Variants in CORO7 observed in about 807,000 individuals in gnomAD.
The protein encoded by CORO7 is coronin-7.
A neutral mutation model predicts 126.6 loss-of-function variants in CORO7; 107 were observed. The ratio of observed to expected loss-of-function variants is 0.85; its 90% CI spans 0.72 to 0.99. CORO7 has a LOEUF of 0.99. CORO7 is among the 50% of genes least tolerant of loss of function. The pLI, the probability that CORO7 is intolerant of heterozygous loss-of-function variation, is 0.00. For synonymous variants in CORO7, 603 were observed against 536.8 expected, an observed-to-expected ratio of 1.12 and a Z score of -1.70; for missense variants, 1,314 against 1,255.8, an observed-to-expected ratio of 1.05 and a Z score of -0.70.
intron 6 of CORO7, among the ~76,000 whole-genome samples, chr16:4,403,152 G>A (rs1431338071): frequency 2.0e-5 from 3 of 151,942 alleles, no homozygotes; most frequent in Non-Finnish European, 2.9e-5. Context: ...AGGGGCTCAC[G>A]CTCGCTCCTG....
At chr16:4,416,162 T>C (rs1317593367) in intron 1 of CORO7, among the ~76,000 whole-genome samples, 2 of 151,948 alleles carry the variant, frequency 1.3e-5, no homozygotes, top group East Asian at 1.9e-4. Flanking sequence ...CTCGCAGGCC[T>C]GGGCCCCGGC....
rs781442940 is a variant in CORO7, at chr16:4,388,643, A to G, written c.616-12T>C. The G allele has an allele frequency of 6.2e-7, 1 of 1,608,048 alleles. No homozygotes were observed. Among genetic ancestry groups the G allele is most frequent in the Non-Finnish European group, 8.5e-7 (1 of 1,178,222 alleles). On this transcript the variant is annotated splice_polypyrimidine_tract_variant and intron_variant, in intron 7 of 27. Coordinates refer to ENST00000251166, the MANE Select transcript of CORO7 (RefSeq NM_024535.5). ...TGGGCCTGCGTGCTCTGCAGGAGGC[A>G]AGAGGTGGACCTGAGCCCCCAGGGC...
At chr16:4,400,690 C>T (rs1298198153) in intron 6 of CORO7, among the ~76,000 whole-genome samples, 9 of 151,630 alleles carry the variant, frequency 5.9e-5, no homozygotes, top group African/African-American at 9.7e-5. Flanking sequence ...TGTGGTGGCA[C>T]GTGCCTGTAG....
At position 4,362,244 on chromosome 16, in the gene CORO7, C is replaced by G; in HGVS notation, c.1403-84G>C. 6.7e-7 allele frequency: 1 copy of G among 1,503,416 alleles called. No individual in the cohort carries two copies. Among genetic ancestry groups the G allele is most frequent in the Admixed American group, 2.3e-5 (1 of 44,290 alleles). The allele number at this position is 1,503,416 out of a possible 1,614,324, so 93.1% of individuals were successfully genotyped here. A position where few individuals can be genotyped will look rare whatever the true frequency, so the allele number is the denominator to read the frequency against. On this transcript the variant is annotated intron_variant, in intron 15 of 27. Transcript: ENST00000251166. This position sits in a 1 kb window ranked among gnomAD's most constrained non-coding sequence, Gnocchi z 5.3. Reference sequence around the variant, plus strand: ...ACTCTTTGAGTCCCGGCTGCCCACTCCCCTCACCCCAGGTGGATGTACAGC... The same window carrying G: ...ACTCTTTGAGTCCCGGCTGCCCACTGCCCTCACCCCAGGTGGATGTACAGC...
At chr16:4,383,768 G>C (rs1028115605) in intron 9 of CORO7, among the ~76,000 whole-genome samples, 1 of 152,244 alleles carries the variant, frequency 6.6e-6, no homozygotes, top group African/African-American at 2.4e-5. Context: ...CCCAGGCCCT[G>C]TCTTCTGCCA....
chr16:4,362,607 C>T lies in CORO7; in HGVS notation c.1402+5G>A. 6.4e-7 allele frequency: 1 copy of T among 1,554,670 alleles called. No individual in the cohort carries two copies. The highest frequency in any genetic ancestry group is 8.7e-7 in the Non-Finnish European group (1 of 1,153,668). ...AGGGGTGAGCTCCCCGTCCTGCCTC[C>T]TTACCCAGCAGGCTCTGCAGCGACC... On this transcript the variant is annotated splice_donor_5th_base_variant and intron_variant, in intron 15 of 27. Transcript: ENST00000251166. The surrounding 1 kb of genome is among the most constrained non-coding windows in gnomAD (Gnocchi z 5.3).
In CORO7 at chr16:4,407,662, C is replaced by G. The variant is rs1384058508; in HGVS notation, c.326G>C (p.Gly109Ala). 6.3e-7 allele frequency: 1 copy of G among 1,596,934 alleles called. No homozygotes were observed. Among genetic ancestry groups the G allele is most frequent in the East Asian group, 2.2e-5 (1 of 44,676 alleles). Residue 109 changes from glycine (G) to alanine (A), a missense_variant, in exon 5 of 28, where the codon GGG becomes GCG. Transcript: ENST00000251166. ...TGCTGAGGGCAGGGCCTGGCCAGGC[C>G]CTGGCAGTCGCCAGAGTTTTACCTG... ...DRTVKLWRLP[G>A]PGQALPSAPG...
At position 4,408,225 on chromosome 16, in the gene CORO7, G is replaced by GCGAGAAGTCCA. The variant is rs779823537; in HGVS notation, c.248_258dup (p.Pro87TrpfsTer20). The GCGAGAAGTCCA allele has an allele frequency of 1.2e-6, 2 of 1,614,212 alleles. No individual in the cohort carries two copies. Reference sequence around the variant, plus strand: ...GTGGCCAGGAGGAAGTCATCAAAGGGCGAGAAGTCCAAGTCGGTGACTAGG... The same window carrying GCGAGAAGTCCA: ...GTGGCCAGGAGGAAGTCATCAAAGGGCGAGAAGTCCACGAGAAGTCCAAGTCGGTGACTAGG... On this transcript the variant is annotated frameshift_variant, in exon 4 of 28. Coordinates refer to ENST00000251166, the MANE Select transcript of CORO7 (RefSeq NM_024535.5). LOFTEE classifies it high-confidence loss of function.
intron 3 of CORO7, among the ~76,000 whole-genome samples, chr16:4,408,550 C>A (rs1281208773): frequency 6.6e-6 from 1 of 152,218 alleles, no homozygotes; most frequent in East Asian, 1.9e-4. Context: ...CCAGCCCGAC[C>A]CCTCCTAGGG....
chr16:4,384,981 G>C (rs986116601), intron 9 of CORO7, among the ~76,000 whole-genome samples: 1 of 152,176 alleles, frequency 6.6e-6, no homozygotes, highest in African/African-American at 2.4e-5. Context: ...AGTGGCGGGG[G>C]GGTGGCAGGG....
At chr16:4,412,595 G>T in intron 2 of CORO7, 165 bp from the exon 3 acceptor site, 2 of 675,582 alleles carry the variant, frequency 3.0e-6, no homozygotes, top group Non-Finnish European at 5.0e-6. Flanking sequence ...CCTGTGGGTA[G>T]GTTCTGGCCC....
intron 9 of CORO7, among the ~76,000 whole-genome samples, chr16:4,366,733 A>T (rs2054360803): frequency 6.6e-6 from 1 of 151,720 alleles, no homozygotes; most frequent in Non-Finnish European, 1.5e-5. Flanking sequence ...TGTAGAAACA[A>T]GGTCTCACTA....
chr16:4,357,355 CTTTTTTTT>C (rs61391325), intron 25 of CORO7, 96 bp from the exon 26 acceptor site: 14 of 728,060 alleles, frequency 1.9e-5, no homozygotes, highest in East Asian at 1.7e-4. Flanking sequence ...TTCTTTCTTT[CTTTTTTTT>C]TTTTTTTTTT....
intron 6 of CORO7, among the ~76,000 whole-genome samples, chr16:4,395,835 G>A (rs1298339399): frequency 1.3e-5 from 2 of 152,160 alleles, no homozygotes; most frequent in Admixed American, 6.5e-5. Context: ...CCAGGAAGAC[G>A]AGCTTACACT....
Position 4,362,048 on chromosome 16 carries a change from A to C in CORO7, c.1515T>G (p.Cys505Trp), listed in dbSNP as rs1429188042. ...GCACGGCCACACGCAGCTTGTTGGC[A>C]CAGAAGCCGTCACTCTCACCAGGTG... ...LTTPGESDGF[C>W]ANKLRVAVPL... The change falls in exon 16 of 28, where the codon TGT (cysteine) becomes TGG (tryptophan). Residue 505 changes from cysteine to tryptophan, a missense_variant. By Grantham distance (215) the Cys-to-Trp change is radical. Coordinates refer to ENST00000251166, the MANE Select transcript of CORO7 (RefSeq NM_024535.5). This position sits in a 1 kb window ranked among gnomAD's most constrained non-coding sequence, Gnocchi z 5.3. The C allele has an allele frequency of 1.9e-6, 3 of 1,612,730 alleles. No homozygotes were observed. The highest frequency in any genetic ancestry group is 2.5e-6 in the Non-Finnish European group (3 of 1,179,930).
At chr16:4,379,557 C>A (rs560668359) in intron 9 of CORO7, among the ~76,000 whole-genome samples, 1 of 152,292 alleles carries the variant, frequency 6.6e-6, no homozygotes, top group Non-Finnish European at 1.5e-5. Flanking sequence ...AGTCCCTGCA[C>A]CTCCATGAGC....
chr16:4,355,885 C>A (rs1476688235), intron 26 of CORO7, among the ~76,000 whole-genome samples: 3 of 150,986 alleles, frequency 2.0e-5, no homozygotes, highest in African/African-American at 7.3e-5. Flanking sequence ...GCAAGCAATT[C>A]TCCTGCCTCA....
Position 4,364,761 on chromosome 16 carries a change from C to T in CORO7, c.1044+14G>A. 6.2e-7 allele frequency: 1 copy of T among 1,608,070 alleles called. No homozygotes were observed. ...TCCCCAGCCCCCGCAGTCCCTCGCC[C>T]AAGTCCCCCTCACCTTGCGGGGCAC... On this transcript the variant is annotated intron_variant, in intron 12 of 27. Transcript: ENST00000251166.
intron 6 of CORO7, among the ~76,000 whole-genome samples, chr16:4,404,835 C>T (rs2055938261): frequency 6.6e-6 from 1 of 152,186 alleles, no homozygotes; most frequent in South Asian, 2.1e-4. Context: ...CCTCCTGCCA[C>T]ACACTGTCCA....
Sources: gnomAD v4.1 joint callset for allele counts (sites outside exome capture counted in the v4.1 genomes callset) on GRCh38, gnomAD v4.1.1 for gene constraint, Gnocchi (gnomAD v3.1) non-coding constraint, MANE v1.5 for transcripts, NCBI Gene and HGNC (gene_info 2026-07-23, HGNC 2026-07-21) for gene names.